Variants in TFPI observed in about 807,000 individuals in gnomAD.
TFPI encodes anti-convertin.
A neutral mutation model predicts 34.6 loss-of-function variants in TFPI; 15 were observed. That is an observed-to-expected ratio of 0.43 (90% CI 0.29 to 0.67). The LOEUF is 0.67. Among genes scored for constraint, TFPI ranks in the 30% least tolerant of loss-of-function variants. TFPI has a pLI of 0.15. For synonymous variants in TFPI, 105 were observed against 120.1 expected (o/e 0.87, Z 0.82); for missense variants, 301 against 364.0 (o/e 0.83, Z 1.41).
rs1227505576 is a variant in TFPI at position 187,488,371 on chromosome 2, A to T, written c.324T>A (p.Asn108Lys). The T allele has an allele frequency of 6.4e-7, 1 of 1,551,020 alleles. No individual in the cohort carries two copies. The highest frequency in any genetic ancestry group is 2.4e-5 in the East Asian group (1 of 42,314). ...ATGTTGTCTTTATAATCCTGTTTGC[A>T]TTATCTGTAATCAAAAGAATATATG... ...EECKKMCTRD[N>K]ANRIIKTTLQ... The change falls in exon 4 of 8, where the codon AAT becomes AAA. Residue 108 changes from asparagine (N) to lysine (K), a missense_variant. Transcript: ENST00000233156.
chr2:187,499,040 T>C (rs981097034), intron 2 of TFPI, among the ~76,000 whole-genome samples: 1 of 151,974 alleles, frequency 6.6e-6, no homozygotes, highest in Admixed American at 6.6e-5. Flanking sequence ...ATCCAATAAA[T>C]ATCTATAGTA....
chr2:187,549,666 C>T (rs1366056610), intron 1 of TFPI, among the ~76,000 whole-genome samples: 4 of 152,044 alleles, frequency 2.6e-5, no homozygotes, highest in African/African-American at 9.7e-5. Context: ...CACTTATGTA[C>T]TCATATCACA....
At chr2:187,536,159 GA>G (rs1688240218) in intron 1 of TFPI, among the ~76,000 whole-genome samples, 1 of 152,192 alleles carries the variant, frequency 6.6e-6, no homozygotes, top group Non-Finnish European at 1.5e-5. Context: ...GAAGTACAAA[GA>G]GTAGCTGGTA....
rs549228003 is a variant in TFPI, at chr2:187,484,838, C to G, written c.508G>C (p.Glu170Gln). Residue 170 changes from glutamate (E) to glutamine (Q), a missense_variant, in exon 5 of 8, where the codon GAA becomes CAA. Physicochemically the swap from Glu to Gln is conservative, Grantham distance 29. Transcript: ENST00000233156. ...CCATCTTCACAAATGTTCTTGCATT[C>G]TTCCAGTGTCTCAAAATTGTTCATA... Reference protein sequence around the residue: ...GNMNNFETLEECKNICEDGPN... With the variant: ...GNMNNFETLEQCKNICEDGPN... 6.3e-7 allele frequency: 1 copy of G among 1,590,530 alleles called. No individual in the cohort carries two copies. The highest frequency in any genetic ancestry group is 1.8e-5 in the Admixed American group (1 of 55,708).
intron 1 of TFPI, among the ~76,000 whole-genome samples, chr2:187,523,635 G>A (rs772094203): frequency 1.3e-5 from 2 of 151,918 alleles, no homozygotes; most frequent in Non-Finnish European, 2.9e-5. Flanking sequence ...AGCTGTCTAT[G>A]GGTTTCAACA....
chr2:187,475,174 G>C (rs1384880229), intron 6 of TFPI, among the ~76,000 whole-genome samples: 2 of 152,112 alleles, frequency 1.3e-5, no homozygotes, highest in African/African-American at 2.4e-5. Context: ...CCGTGTAGGA[G>C]ACACTCAATG....
chr2:187,533,035 G>A (rs1211103845), intron 1 of TFPI, among the ~76,000 whole-genome samples: 1 of 152,120 alleles, frequency 6.6e-6, no homozygotes, highest in Admixed American at 6.6e-5. Context: ...TCTGGGCAGG[G>A]CATCTCAGAA....
Position 187,484,893 on chromosome 2 carries a change from T to C in TFPI, c.453A>G (p.Glu151=). ...CCAGGCATCCACCATACTTGAAACG[T>C]TCACACTGTTTTGTCTGATTGTTAT... ...YFYNNQTKQC[E]RFKYGGCLGN... Residue 151 remains glutamate (E), a synonymous_variant, in exon 5 of 8, where the codon GAA becomes GAG. Transcript: ENST00000233156. 6.3e-7 allele frequency: 1 copy of C among 1,595,516 alleles called. No individual in the cohort carries two copies. The highest frequency in any genetic ancestry group is 8.5e-7 in the Non-Finnish European group (1 of 1,173,080).
intron 6 of TFPI, chr2:187,478,911 T>C (rs748958208): frequency 3.6e-6 from 3 of 835,518 alleles, no homozygotes; most frequent in Non-Finnish European, 5.5e-6. Flanking sequence ...TAGTACATTA[T>C]GTTTTTCTTC....
rs1238818621 is a variant in TFPI, at chr2:187,489,012, G to A, written c.320-637C>T. On this transcript the variant is annotated intron_variant, in intron 3 of 7. Coordinates refer to ENST00000233156, the MANE Select transcript of TFPI (RefSeq NM_006287.6). ...TTCTAAGTTCTAATTTAAATGATAGGTAATGAAATTTAAATTGACAAAATA... is the reference window on the plus strand; with the variant it reads ...TTCTAAGTTCTAATTTAAATGATAGATAATGAAATTTAAATTGACAAAATA... 2.0e-5 allele frequency among the ~76,000 whole-genome samples: 3 copies of A among 151,438 alleles called. No homozygotes were observed. The South Asian group carries it at 6.2e-4, about 31-fold the overall frequency.
intron 1 of TFPI, among the ~76,000 whole-genome samples, chr2:187,507,796 C>T (rs1435048171): frequency 6.6e-6 from 1 of 152,148 alleles, no homozygotes; most frequent in Non-Finnish European, 1.5e-5. Context: ...TTTTGCTTTG[C>T]AGAAACTCTT....
At position 187,467,843 on chromosome 2, in the gene TFPI, C is replaced by G; in HGVS notation, c.718G>C (p.Gly240Arg). Residue 240 changes from glycine (G) to arginine (R), a missense_variant, in exon 7 of 8, where the codon GGG becomes CGG. By Grantham distance (125) the Gly-to-Arg change is moderately radical. Coordinates refer to ENST00000233156, the MANE Select transcript of TFPI (RefSeq NM_006287.6). ...ENRFYYNSVI[G>R]KCRPFKYSGC... Reference sequence around the variant, plus strand: ...CTGTACTTAAATGGGCGGCATTTCCCAATGACTGAATTGTAGTAGAATCTG... The same window carrying G: ...CTGTACTTAAATGGGCGGCATTTCCGAATGACTGAATTGTAGTAGAATCTG... 2 of 1,612,728 alleles carry G rather than the reference C, an allele frequency of 1.2e-6. No individual in the cohort carries two copies. The highest frequency in any genetic ancestry group is 4.5e-5 in the East Asian group (2 of 44,808).
At chr2:187,486,669 A>G (rs1297563590) in intron 4 of TFPI, among the ~76,000 whole-genome samples, 1 of 151,554 alleles carries the variant, frequency 6.6e-6, no homozygotes, top group Non-Finnish European at 1.5e-5. Context: ...TTGCAAATCA[A>G]AAAATTAATT....
chr2:187,545,209 A>G (rs562850751), intron 1 of TFPI, among the ~76,000 whole-genome samples: 57 of 152,360 alleles, frequency 3.7e-4, no homozygotes, highest in Non-Finnish European at 4.6e-4. Context: ...CTCTTCCAAG[A>G]ATAAAACTGT....
At chr2:187,482,037 C>A (rs550054079) in intron 6 of TFPI, among the ~76,000 whole-genome samples, 31 of 151,996 alleles carry the variant, frequency 2.0e-4, no homozygotes, top group Non-Finnish European at 3.2e-4. Flanking sequence ...CTTTCTCACA[C>A]TAATTTTTAT....
At chr2:187,511,454 G>A (rs1040980866) in intron 1 of TFPI, among the ~76,000 whole-genome samples, 8 of 152,016 alleles carry the variant, frequency 5.3e-5, no homozygotes, top group East Asian at 3.9e-4. Flanking sequence ...TTTGTTTTGC[G>A]GTGTGCATGT....
At chr2:187,536,818 T>C (rs1185004914) in intron 1 of TFPI, among the ~76,000 whole-genome samples, 2 of 152,310 alleles carry the variant, frequency 1.3e-5, no homozygotes, top group African/African-American at 4.8e-5. Context: ...GATGACATGA[T>C]TGTATATTTA....
chr2:187,552,678 A>C (rs1281105065), intron 1 of TFPI, among the ~76,000 whole-genome samples: 1 of 152,010 alleles, frequency 6.6e-6, no homozygotes, highest in Non-Finnish European at 1.5e-5. Context: ...TGGTAAAACA[A>C]AAGATATCAG....
At chr2:187,517,102 C>T (rs1302542934) in intron 1 of TFPI, 3 of 152,148 alleles carry the variant, frequency 2.0e-5, no homozygotes, top group Non-Finnish European at 4.4e-5. Flanking sequence ...AATTGCCTTA[C>T]TAAGTAATCT....
Sources: allele counts gnomAD v4.1 joint callset (sites outside exome capture counted in the v4.1 genomes callset), GRCh38; gene constraint gnomAD v4.1.1; transcripts MANE v1.5; gene names NCBI Gene and HGNC (gene_info 2026-07-23, HGNC 2026-07-21).